Variants in SHLD1 observed in about 807,000 individuals in gnomAD.
The protein encoded by SHLD1 is shieldin complex subunit 1, also known as RINN1-REV7-interacting novel NHEJ regulator 3.
Under a neutral mutation model 5.5 loss-of-function variants are expected in SHLD1, and 3 were observed. The ratio of observed to expected loss-of-function variants is 0.54; its 90% CI spans 0.25 to 1.40. The LOEUF is 1.40. Among genes scored for constraint, SHLD1 ranks in the 40% most tolerant of loss-of-function variants. The probability of loss-of-function intolerance (pLI) is 0.15; values close to 1 mark genes in which losing one functional copy is unlikely to be tolerated. For missense variants in SHLD1, 210 were observed against 244.4 expected (o/e 0.86, Z 0.94); for synonymous variants, 92 against 94.3 (o/e 0.98, Z 0.14).
At chr20:5,838,734 C>T (rs912641519) in intron 2 of SHLD1, among the ~76,000 whole-genome samples, 2 of 152,054 alleles carry the variant, frequency 1.3e-5, no homozygotes, top group African/African-American at 4.8e-5. Flanking sequence ...GCTGAGACGG[C>T]GCCACTGCAC....
chr20:5,797,009 T>A (rs1230155857), intron 2 of SHLD1, among the ~76,000 whole-genome samples: 2 of 152,140 alleles, frequency 1.3e-5, no homozygotes, highest in East Asian at 3.9e-4. Flanking sequence ...TATTATTGCA[T>A]ATCTCTCAGC....
chr20:5,849,568 T>G (rs1842899475), intron 2 of SHLD1, among the ~76,000 whole-genome samples: 1 of 152,192 alleles, frequency 6.6e-6, no homozygotes, highest in African/African-American at 2.4e-5. Flanking sequence ...GCCCCACTCC[T>G]CCAGCACCAG....
chr20:5,805,357 G>A (rs1178177962), intron 2 of SHLD1, among the ~76,000 whole-genome samples: 3 of 152,022 alleles, frequency 2.0e-5, no homozygotes, highest in Admixed American at 6.6e-5. Flanking sequence ...GAGTTTCTCC[G>A]TGTTGGTCAG....
intron 2 of SHLD1, among the ~76,000 whole-genome samples, chr20:5,817,483 A>G (rs1263178059): frequency 7.1e-6 from 1 of 140,414 alleles, no homozygotes; most frequent in African/African-American, 2.7e-5. Flanking sequence ...TTGGGATTAC[A>G]GGCGTGAGCC....
chr20:5,840,078 A>G (rs2087839843), intron 2 of SHLD1, among the ~76,000 whole-genome samples: 1 of 152,234 alleles, frequency 6.6e-6, no homozygotes, highest in Non-Finnish European at 1.5e-5. Flanking sequence ...GCTATTTATG[A>G]GCAAAAGTAT....
Position 5,850,754 on chromosome 20 carries a change from C to A in SHLD1, c.179-12270C>A, listed in dbSNP as rs116081430. On this transcript the variant is annotated intron_variant, in intron 2 of 2. Transcript: ENST00000303142. ...CTCTAACTCCTGACCTCGCGATCTT[C>A]TTGCCTGGGCCTCCCAAAGTGCTGG... is the stretch of plus-strand genomic sequence containing the variant. Among the ~76,000 whole-genome samples the A allele has an allele frequency of 1.8e-3, 281 of 152,314 alleles. 1 individual carries two copies. The highest frequency in any genetic ancestry group is 6.6e-3 in the African/African-American group (276 of 41,574).
At chr20:5,751,118 C>G (rs1188299598) in intron 1 of SHLD1, among the ~76,000 whole-genome samples, 1 of 152,184 alleles carries the variant, frequency 6.6e-6, no homozygotes, top group African/African-American at 2.4e-5. Context: ...ATCCTGCCTC[C>G]AGTAGCAGTC....
intron 2 of SHLD1, among the ~76,000 whole-genome samples, chr20:5,818,084 T>G (rs867606515): frequency 6.6e-6 from 1 of 152,028 alleles, no homozygotes; most frequent in African/African-American, 2.4e-5. Flanking sequence ...TCTTTCTTTT[T>G]TTTATTTTTT....
intron 2 of SHLD1, among the ~76,000 whole-genome samples, chr20:5,815,437 G>A (rs2087516951): frequency 6.6e-6 from 1 of 152,208 alleles, no homozygotes. Flanking sequence ...AGTGTGAGGT[G>A]GAGGCCAATG....
At chr20:5,828,486 A>G (rs2087691882) in intron 2 of SHLD1, among the ~76,000 whole-genome samples, 1 of 128,800 alleles carries the variant, frequency 7.8e-6, no homozygotes. Context: ...TGCTGCTGGA[A>G]GGAGTCATTT....
chr20:5,752,144 T>C (rs1284549919), intron 1 of SHLD1, among the ~76,000 whole-genome samples: 2 of 152,124 alleles, frequency 1.3e-5, no homozygotes, highest in Admixed American at 1.3e-4. Flanking sequence ...ACCTGTAATC[T>C]CAACGCTTTG....
At chr20:5,814,836 T>C (rs1487646621) in intron 2 of SHLD1, among the ~76,000 whole-genome samples, 1 of 151,852 alleles carries the variant, frequency 6.6e-6, no homozygotes, top group African/African-American at 2.4e-5. Context: ...TAATTTTTTG[T>C]AGAGACGGGT....
chr20:5,799,428 G>A (rs2087259552), intron 2 of SHLD1, among the ~76,000 whole-genome samples: 1 of 149,092 alleles, frequency 6.7e-6, no homozygotes, highest in East Asian at 2.0e-4. Flanking sequence ...GGCCCCCCAA[G>A]TAGCTGAGAC....
chr20:5,776,757 C>T (rs183242792), intron 2 of SHLD1, among the ~76,000 whole-genome samples: 3 of 151,778 alleles, frequency 2.0e-5, no homozygotes, highest in Non-Finnish European at 2.9e-5. Context: ...AGCAAGACTC[C>T]GACTCAAAAA....
At chr20:5,807,705 T>C (rs1215558230) in intron 2 of SHLD1, among the ~76,000 whole-genome samples, 1 of 152,176 alleles carries the variant, frequency 6.6e-6, no homozygotes, top group Non-Finnish European at 1.5e-5. Flanking sequence ...TTTAACATTG[T>C]TGGAAAAGAG....
chr20:5,760,891 C>G, intron 1 of SHLD1, among the ~76,000 whole-genome samples: 1 of 151,888 alleles, frequency 6.6e-6, no homozygotes, highest in Non-Finnish European at 1.5e-5. Context: ...TCACCTAGAG[C>G]ACAGCCAATC....
intron 2 of SHLD1, among the ~76,000 whole-genome samples, chr20:5,827,695 G>T (rs528413481): frequency 6.6e-6 from 1 of 152,248 alleles, no homozygotes; most frequent in South Asian, 2.1e-4. Context: ...TCCCTCCTAG[G>T]CCTGGAGAAA....
chr20:5,827,083 T>C (rs1232425338), intron 2 of SHLD1, among the ~76,000 whole-genome samples: 1 of 151,838 alleles, frequency 6.6e-6, no homozygotes, highest in Non-Finnish European at 1.5e-5. Flanking sequence ...TCCAACCAGG[T>C]AAAGTGAGGA....
At chr20:5,789,072 G>A (rs543789749) in intron 2 of SHLD1, among the ~76,000 whole-genome samples, 1 of 151,984 alleles carries the variant, frequency 6.6e-6, no homozygotes, top group East Asian at 1.9e-4. Context: ...AGGTTGCAGT[G>A]AGCTGAGATC....
Sources: allele counts gnomAD v4.1 joint callset (sites outside exome capture counted in the v4.1 genomes callset), GRCh38; gene constraint gnomAD v4.1.1; transcripts MANE v1.5; gene names NCBI Gene and HGNC (gene_info 2026-07-23, HGNC 2026-07-21).